Variants in PICK1 observed in about 807,000 individuals in gnomAD.
PICK1 encodes PRKCA-binding protein.
A neutral mutation model predicts 48.9 loss-of-function variants in PICK1; 23 were observed. That is an observed-to-expected ratio of 0.47 (90% CI 0.34 to 0.67). The LOEUF (loss-of-function observed/expected upper bound fraction) is 0.67, where lower values mean the gene tolerates loss of function less well. Among genes scored for constraint, PICK1 ranks in the 30% least tolerant of loss-of-function variants. PICK1 has a pLI of 0.01. For missense variants in PICK1, 423 were observed against 557.1 expected, an observed-to-expected ratio of 0.76 and a Z score of 2.42; for synonymous variants, 217 against 228.2, an observed-to-expected ratio of 0.95 and a Z score of 0.44.
chr22:38,072,595 G>A lies in PICK1; in HGVS notation c.675G>A (p.Leu225=), dbSNP rs1246579013. 1 of 1,613,114 alleles carries A rather than the reference G, an allele frequency of 6.2e-7. No homozygotes were observed. Among genetic ancestry groups the A allele is most frequent in the Non-Finnish European group, 8.5e-7 (1 of 1,180,042 alleles). ...RSIEKFGIRL[L]KTIKPMLTDL... ...TCGAGAAGTTCGGCATTCGGCTTCT[G>A]AAAACCATCAAGCCGGTAGGTCCTA... The change falls in exon 9 of 13, where the codon CTG becomes CTA. Residue 225 remains leucine (L), a synonymous_variant. Coordinates refer to ENST00000356976, the MANE Select transcript of PICK1 (RefSeq NM_012407.4).
At position 38,073,045 on chromosome 22, in the gene PICK1, A is replaced by G; in HGVS notation, c.736A>G (p.Thr246Ala). The change falls in exon 10 of 13, where the codon ACT becomes GCT. Residue 246 changes from threonine to alanine, a missense_variant. Around this residue, in one of 2 missense-constraint regions of PICK1, gnomAD observed 279 missense variants for 417.8 expected, o/e 0.67. Coordinates refer to ENST00000356976, the MANE Select transcript of PICK1 (RefSeq NM_012407.4). This position sits in a 1 kb window ranked among gnomAD's most constrained non-coding sequence, Gnocchi z 5.7. Reference sequence around the variant, plus strand: ...GTACCTCAACAAAGCCATCCCGGACACTCGCCTCACCATCAAGAAGTACCT... The same window carrying G: ...GTACCTCAACAAAGCCATCCCGGACGCTCGCCTCACCATCAAGAAGTACCT... ...NTYLNKAIPD[T>A]RLTIKKYLDV... The G allele has an allele frequency of 1.2e-6, 2 of 1,613,848 alleles. No individual in the cohort carries two copies. The highest frequency in any genetic ancestry group is 1.7e-6 in the Non-Finnish European group (2 of 1,179,894).
intron 3 of PICK1, among the ~76,000 whole-genome samples, chr22:38,061,302 T>C (rs55999299): frequency 3.3e-5 from 5 of 151,944 alleles, no homozygotes; most frequent in Non-Finnish European, 4.4e-5. Context: ...GATCGTGCCA[T>C]TGCACTCCAG....
At position 38,073,420 on chromosome 22, in the gene PICK1, ACAGT is replaced by A. The variant is rs774067444; in HGVS notation, c.783+331_783+334del. Among the ~76,000 whole-genome samples the A allele has an allele frequency of 2.6e-5, 4 of 152,214 alleles. No individual in the cohort carries two copies. Among genetic ancestry groups the A allele is most frequent in the Non-Finnish European group, 5.9e-5 (4 of 68,036 alleles). ...CGTGAGTTTTACATTTAATTATTCT[ACAGT>A]CAAAGGAATTGAGAGAAAATGCTCT... On this transcript the variant is annotated intron_variant, in intron 10 of 12. Coordinates refer to ENST00000356976, the MANE Select transcript of PICK1 (RefSeq NM_012407.4). The surrounding 1 kb of genome is among the most constrained non-coding windows in gnomAD (Gnocchi z 5.7).
At chr22:38,057,938 T>G in intron 2 of PICK1, 88 bp downstream of exon 2, 1 of 1,061,212 alleles carries the variant, frequency 9.4e-7, no homozygotes, top group South Asian at 1.3e-5. Context: ...AGACCCTTGC[T>G]TCTCAGCGGT....
chr22:38,063,372 G>A (rs537753310), intron 3 of PICK1, among the ~76,000 whole-genome samples: 2 of 151,608 alleles, frequency 1.3e-5, no homozygotes, highest in Admixed American at 6.6e-5. Flanking sequence ...TTGCCCAGGC[G>A]ATCTTCCCAC....
chr22:38,058,333 C>T (rs915073631), intron 2 of PICK1, among the ~76,000 whole-genome samples: 1 of 152,074 alleles, frequency 6.6e-6, no homozygotes, highest in Non-Finnish European at 1.5e-5. Context: ...AGGTTGTTAG[C>T]GAATGTTTTT....
intron 4 of PICK1, 66 bp downstream of exon 4, chr22:38,065,196 C>T: frequency 6.5e-7 from 1 of 1,536,274 alleles, no homozygotes; most frequent in Non-Finnish European, 8.9e-7. Flanking sequence ...TCCAGGCTGC[C>T]AGAGGTCCCA....
intron 3 of PICK1, 140 bp downstream of exon 3, chr22:38,059,485 G>C: frequency 1.5e-6 from 1 of 686,806 alleles, no homozygotes; most frequent in Non-Finnish European, 2.7e-6. Context: ...CTGACCACCT[G>C]CGCTGCGTTG....
intron 3 of PICK1, among the ~76,000 whole-genome samples, chr22:38,064,301 G>A (rs1251604336): frequency 5.9e-5 from 9 of 152,052 alleles, no homozygotes; most frequent in African/African-American, 2.2e-4. Context: ...CAGGTGATCT[G>A]CCTGCCTTGG....
In PICK1 at chr22:38,075,367, C is replaced by A. The variant is rs549796162; in HGVS notation, c.*235C>A. The stretch of plus-strand genomic sequence containing the variant: ...CACCCTCCCTCCCCTCCCGGCTCCC[C>A]GGCCAGAGGGAGAGCTTGGTCTCTG... On this transcript the variant is annotated 3_prime_UTR_variant, in exon 13 of 13. Coordinates refer to ENST00000356976, the MANE Select transcript of PICK1 (RefSeq NM_012407.4). 139 of 534,322 alleles carry A rather than the reference C, an allele frequency of 2.6e-4. No individual in the cohort carries two copies. In the South Asian group the frequency reaches 3.7e-3, roughly 14 times the overall value. The allele number at this position is 534,322 out of a possible 1,614,324, so 33.1% of individuals were successfully genotyped here.
Position 38,071,936 on chromosome 22 carries a change from C to T in PICK1, c.556+192C>T, listed in dbSNP as rs13054174. ...TCAGCTGGTCTCTTAAGGGCCGCAACGATGAACAGGCCCCACCCTGTCTCC... is the reference window on the plus strand; with the variant it reads ...TCAGCTGGTCTCTTAAGGGCCGCAATGATGAACAGGCCCCACCCTGTCTCC... On this transcript the variant is annotated intron_variant, in intron 8 of 12. Coordinates refer to ENST00000356976, the MANE Select transcript of PICK1 (RefSeq NM_012407.4). 236 of 650,264 alleles carry T rather than the reference C, an allele frequency of 3.6e-4. 2 individuals carry two copies. Among genetic ancestry groups the T allele is most frequent in the African/African-American group, 2.7e-3 (153 of 56,020 alleles). The allele number at this position is 650,264 out of a possible 1,614,324, so 40.3% of individuals were successfully genotyped here.
Position 38,074,996 on chromosome 22 carries a change from AT to A in PICK1, c.1113del (p.Tyr371Ter). On this transcript the variant is annotated frameshift_variant, in exon 13 of 13. Coordinates refer to ENST00000356976, the MANE Select transcript of PICK1 (RefSeq NM_012407.4). LOFTEE classifies it high-confidence loss of function. This position sits in a 1 kb window ranked among gnomAD's most constrained non-coding sequence, Gnocchi z 4.5. ...GACCTGGCGCACACCACATTGGCCT[AT>A]GGCCTCAACCAGGAGGAGTTCACAG... is the stretch of plus-strand genomic sequence containing the variant. ...EVDLAHTTLAYGLNQEEFTDG... is the reference protein window; with the variant it reads ...EVDLAHTTLAXGLNQEEFTDG... The A allele has an allele frequency of 1.2e-6, 2 of 1,613,696 alleles. No individual in the cohort carries two copies. The highest frequency in any genetic ancestry group is 1.6e-4 in the Middle Eastern group (1 of 6,062).
rs2085341423 is a variant in PICK1 at position 38,059,227 on chromosome 22, T to C, written c.42-7T>C. The C allele has an allele frequency of 1.3e-6, 2 of 1,565,776 alleles. No individual in the cohort carries two copies. The highest frequency in any genetic ancestry group is 2.7e-5 in the African/African-American group (2 of 73,658). On this transcript the variant is annotated splice_polypyrimidine_tract_variant and splice_region_variant and intron_variant, in intron 2 of 12. Coordinates refer to ENST00000356976, the MANE Select transcript of PICK1 (RefSeq NM_012407.4). ...GGAGAGTCAGCCTAGCTTGCTTTCC[T>C]TTCTAGCGGAATCCCGACTGTGCCT...
At chr22:38,065,878 A>T (rs1011774612) in intron 4 of PICK1, among the ~76,000 whole-genome samples, 3 of 152,110 alleles carry the variant, frequency 2.0e-5, no homozygotes, top group Non-Finnish European at 4.4e-5. Flanking sequence ...CTCGGGGGCA[A>T]GGGTCCCCAC....
At chr22:38,062,573 C>A (rs2085429833) in intron 3 of PICK1, among the ~76,000 whole-genome samples, 1 of 152,100 alleles carries the variant, frequency 6.6e-6, no homozygotes, top group Non-Finnish European at 1.5e-5. Context: ...TGTTTTCCGC[C>A]CTGTAGTCTC....
At chr22:38,060,157 G>A (rs542901332) in intron 3 of PICK1, among the ~76,000 whole-genome samples, 1 of 152,340 alleles carries the variant, frequency 6.6e-6, no homozygotes, top group African/African-American at 2.4e-5. Flanking sequence ...GTTGCAGTGA[G>A]CTGAGATCAC....
chr22:38,067,307 CTTTT>C (rs33993578), intron 4 of PICK1, among the ~76,000 whole-genome samples: 1 of 110,678 alleles, frequency 9.0e-6, no homozygotes. Context: ...GCTTAGGATT[CTTTT>C]TTTTTTTTTT....
Position 38,073,145 on chromosome 22 carries a change from T to A in PICK1, c.783+53T>A. 2 of 1,177,548 alleles carry A rather than the reference T, an allele frequency of 1.7e-6. No homozygotes were observed. Among genetic ancestry groups the A allele is most frequent in the Admixed American group, 1.7e-5 (1 of 59,450 alleles). The allele number at this position is 1,177,548 out of a possible 1,614,324, so 72.9% of individuals were successfully genotyped here. The stretch of plus-strand genomic sequence containing the variant: ...AGGGCAAGCGCCCACCCTGGAGATC[T>A]GCCCCACTTCAGTCAGCCATGCTGC... On this transcript the variant is annotated intron_variant, in intron 10 of 12. Transcript: ENST00000356976. This position sits in a 1 kb window ranked among gnomAD's most constrained non-coding sequence, Gnocchi z 5.7.
Position 38,073,677 on chromosome 22 carries a change from G to GC in PICK1, c.784-94dup, listed in dbSNP as rs1200020414. ...GCTCTGGGACTCCCTGAACACCTGC[G>GC]CCAGCCTCTCCTGCTGCGTGTGGGT... On this transcript the variant is annotated intron_variant, in intron 10 of 12. Coordinates refer to ENST00000356976, the MANE Select transcript of PICK1 (RefSeq NM_012407.4). The surrounding 1 kb of genome is among the most constrained non-coding windows in gnomAD (Gnocchi z 5.7). 8.7e-7 allele frequency: 1 copy of GC among 1,147,030 alleles called. No individual in the cohort carries two copies. The highest frequency in any genetic ancestry group is 2.3e-5 in the East Asian group (1 of 42,776). 71.1% of individuals were successfully genotyped at this position (1,147,030 alleles called of 1,614,324 possible).
Sources: allele counts gnomAD v4.1 joint callset (sites outside exome capture counted in the v4.1 genomes callset), GRCh38; gene constraint gnomAD v4.1.1; regional missense constraint gnomAD v4.1.1; non-coding constraint Gnocchi (gnomAD v3.1); transcripts MANE v1.5; gene names NCBI Gene and HGNC (gene_info 2026-07-23, HGNC 2026-07-21).